Variants in CACNA2D4 observed in about 807,000 individuals in gnomAD.
CACNA2D4 encodes the protein voltage-dependent calcium channel subunit alpha-2/delta-4.
A neutral mutation model predicts 163.8 loss-of-function variants in CACNA2D4; 157 were observed. The ratio of observed to expected loss-of-function variants is 0.96; its 90% CI spans 0.84 to 1.09. The LOEUF (loss-of-function observed/expected upper bound fraction) is 1.09, where lower values mean the gene tolerates loss of function less well. Ranked by LOEUF, CACNA2D4 falls within the 50% of genes least tolerant of loss-of-function variation. CACNA2D4 has a pLI of 0.00. For missense variants in CACNA2D4, 1,410 were observed against 1,479.9 expected (o/e 0.95, Z 0.78); for synonymous variants, 598 against 586.9 (o/e 1.02, Z -0.27).
At chr12:1,815,943 GGTGAGGCACGGAAATATATTTACCA>G (rs1863858074) in intron 26 of CACNA2D4, among the ~76,000 whole-genome samples, 1 of 152,184 alleles carries the variant, frequency 6.6e-6, no homozygotes, top group African/African-American at 2.4e-5. Context: ...GAGTAAAGGC[GGTGAGGCACGGAAATATATTTACCA>G]GTGAGTCAAC....
In CACNA2D4 at chr12:1,856,166, T is replaced by C; in HGVS notation, c.2054+18A>G. 6.2e-7 allele frequency: 1 copy of C among 1,613,964 alleles called. No homozygotes were observed. ...AACATTCCACCTGTCTCCCTCCCAT[T>C]TTTTACTCCTCACTTACCAGTCACC... On this transcript the variant is annotated intron_variant, in intron 21 of 37. Coordinates refer to ENST00000382722, the MANE Select transcript of CACNA2D4 (RefSeq NM_172364.5).
intron 4 of CACNA2D4, 105 bp downstream of exon 4, chr12:1,909,800 GA>G: frequency 1.2e-6 from 1 of 862,620 alleles, no homozygotes; most frequent in East Asian, 2.6e-5. Flanking sequence ...AATGTCTATG[GA>G]ATCAGTGGAT....
At position 1,886,035 on chromosome 12, in the gene CACNA2D4, T is replaced by C. The variant is rs1412613605; in HGVS notation, c.998A>G (p.Asn333Ser). Reference sequence around the variant, plus strand: ...AGGCTCGATGTAATGGACGTAGTCATTGTACTGCAGTTGCAGTGAGTTGAG... The same window carrying C: ...AGGCTCGATGTAATGGACGTAGTCACTGTACTGCAGTTGCAGTGAGTTGAG... ...ENDFINIIAY[N>S]DYVHYIEPCF... The change falls in exon 9 of 38, where the codon AAT (asparagine) becomes AGT (serine). Residue 333 changes from asparagine (N) to serine (S), a missense_variant. Coordinates refer to ENST00000382722, the MANE Select transcript of CACNA2D4 (RefSeq NM_172364.5). 6.2e-7 allele frequency: 1 copy of C among 1,612,898 alleles called. No individual in the cohort carries two copies. The highest frequency in any genetic ancestry group is 1.3e-5 in the African/African-American group (1 of 74,854).
At chr12:1,812,619 C>T (rs916108279) in intron 26 of CACNA2D4, among the ~76,000 whole-genome samples, 1 of 152,224 alleles carries the variant, frequency 6.6e-6, no homozygotes, top group Admixed American at 6.5e-5. Flanking sequence ...GTATTGAATC[C>T]CACAGCAGGC....
intron 26 of CACNA2D4, among the ~76,000 whole-genome samples, chr12:1,822,365 G>A (rs1382028782): frequency 6.6e-6 from 1 of 152,128 alleles, no homozygotes; most frequent in Non-Finnish European, 1.5e-5. Context: ...GGGCAGAGGA[G>A]AAAGGAGCCA....
chr12:1,876,033 C>T (rs115763906), intron 16 of CACNA2D4, among the ~76,000 whole-genome samples: 1,564 of 152,280 alleles, frequency 0.01, 30 homozygotes, highest in African/African-American at 0.036. Context: ...ACAGTTCAGT[C>T]CCCTTGGTCT....
chr12:1,903,603 C>A (rs1866587916), intron 6 of CACNA2D4, among the ~76,000 whole-genome samples: 1 of 151,850 alleles, frequency 6.6e-6, no homozygotes, highest in African/African-American at 2.4e-5. Context: ...AAATGGCAAA[C>A]AGGTATATAA....
At position 1,878,263 on chromosome 12, in the gene CACNA2D4, C is replaced by A; in HGVS notation, c.1719+52G>T. 1 of 1,564,534 alleles carries A rather than the reference C, an allele frequency of 6.4e-7. No homozygotes were observed. Among genetic ancestry groups the A allele is most frequent in the African/African-American group, 1.4e-5 (1 of 73,328 alleles). On this transcript the variant is annotated intron_variant, in intron 16 of 37. Transcript: ENST00000382722. This position sits in a 1 kb window ranked among gnomAD's most constrained non-coding sequence, Gnocchi z 4.6. ...TTGTTTTAATCGTTTTTGTGAATTA[C>A]CCCCAAATCCCATACAGTAAGGATC... is the stretch of plus-strand genomic sequence containing the variant.
chr12:1,815,437 G>A (rs1863844129), intron 26 of CACNA2D4, among the ~76,000 whole-genome samples: 1 of 150,692 alleles, frequency 6.6e-6, no homozygotes, highest in Non-Finnish European at 1.5e-5. Context: ...CTGGCCTCCC[G>A]AGATAAAGCC....
chr12:1,818,013 G>A (rs1383750116), intron 26 of CACNA2D4, among the ~76,000 whole-genome samples: 9 of 151,110 alleles, frequency 6.0e-5, no homozygotes, highest in Admixed American at 6.6e-5. Flanking sequence ...GCCTCTGCCC[G>A]GCCGCCATCC....
chr12:1,914,334 C>T (rs545846384), intron 2 of CACNA2D4, among the ~76,000 whole-genome samples: 2 of 152,268 alleles, frequency 1.3e-5, no homozygotes, highest in Admixed American at 1.3e-4. Context: ...GTAAGAAGAC[C>T]AGCCAGCCAT....
chr12:1,890,650 C>T (rs981751562), intron 6 of CACNA2D4, among the ~76,000 whole-genome samples: 10 of 152,186 alleles, frequency 6.6e-5, no homozygotes, highest in South Asian at 2.1e-4. Flanking sequence ...TGCCCCAACC[C>T]GAGCATTCCA....
chr12:1,818,120 T>G (rs1168764984), intron 26 of CACNA2D4, among the ~76,000 whole-genome samples: 1 of 130,748 alleles, frequency 7.6e-6, no homozygotes, highest in Non-Finnish European at 1.6e-5. Context: ...GTGAGGAGCG[T>G]CTCTTCCCGG....
rs1251018429 is a variant in CACNA2D4, at chr12:1,793,635, ACAGGT to A, written c.*15_*19del. The A allele has an allele frequency of 1.7e-5, 28 of 1,607,264 alleles. No homozygotes were observed. The highest frequency in any genetic ancestry group is 2.4e-5 in the Non-Finnish European group (28 of 1,174,016). ...TCTGGAAGGATCACCTTGCCAAAAC[ACAGGT>A]CAGGCTGGGTGGTGTCACCGCAGGA... On this transcript the variant is annotated 3_prime_UTR_variant, in exon 38 of 38. Coordinates refer to ENST00000382722, the MANE Select transcript of CACNA2D4 (RefSeq NM_172364.5).
chr12:1,816,196 T>C (rs1019280755), intron 26 of CACNA2D4, among the ~76,000 whole-genome samples: 2 of 152,224 alleles, frequency 1.3e-5, no homozygotes, highest in African/African-American at 4.8e-5. Context: ...GCCAGCTGTG[T>C]GCAGGAGACA....
At chr12:1,897,297 T>C (rs1428312699) in intron 6 of CACNA2D4, among the ~76,000 whole-genome samples, 6 of 152,086 alleles carry the variant, frequency 3.9e-5, no homozygotes, top group Middle Eastern at 6.3e-3. Flanking sequence ...ATAGAAGGAA[T>C]GAGCTCTAAT....
intron 26 of CACNA2D4, among the ~76,000 whole-genome samples, chr12:1,821,576 A>C (rs761446194): frequency 6.6e-6 from 1 of 152,068 alleles, no homozygotes; most frequent in South Asian, 2.1e-4. Flanking sequence ...TCCATCTGCA[A>C]ATGGGTCAGG....
intron 6 of CACNA2D4, among the ~76,000 whole-genome samples, chr12:1,897,787 G>A (rs2154450645): frequency 6.6e-6 from 1 of 152,258 alleles, no homozygotes; most frequent in Non-Finnish European, 1.5e-5. Context: ...AAAAAGTGTT[G>A]TAGGAGTTAA....
chr12:1,838,331 G>A (rs1048851084), intron 26 of CACNA2D4, among the ~76,000 whole-genome samples: 2 of 152,042 alleles, frequency 1.3e-5, no homozygotes, highest in African/African-American at 4.8e-5. Context: ...GTGCGCAATC[G>A]TCACCATACA....
Sources: allele counts gnomAD v4.1 joint callset (sites outside exome capture counted in the v4.1 genomes callset), GRCh38; gene constraint gnomAD v4.1.1; non-coding constraint Gnocchi (gnomAD v3.1); transcripts MANE v1.5; gene names NCBI Gene and HGNC (gene_info 2026-07-23, HGNC 2026-07-21).